Variants in PCDH7 observed in about 807,000 individuals in gnomAD.
PCDH7 encodes the protein protocadherin-7.
PCDH7 carries 17 observed loss-of-function variants against 58.9 expected under a neutral mutation model. The ratio of observed to expected loss-of-function variants is 0.29; its 90% CI spans 0.20 to 0.43. The LOEUF (loss-of-function observed/expected upper bound fraction) is 0.43. Ranked by LOEUF, PCDH7 falls within the 20% of genes least tolerant of loss-of-function variation. The pLI is 1.00. For synonymous variants in PCDH7, 664 were observed against 616.4 expected, an observed-to-expected ratio of 1.08 and a Z score of -1.14; for missense variants, 1,274 against 1,441.0, an observed-to-expected ratio of 0.88 and a Z score of 1.88.
At chr4:30,951,444 T>C (rs1365321889) in intron 3 of PCDH7, among the ~76,000 whole-genome samples, 2 of 152,122 alleles carry the variant, frequency 1.3e-5, no homozygotes, top group Non-Finnish European at 2.9e-5. Context: ...TCTACCCATA[T>C]TCCTTGCCTT....
chr4:31,120,977 C>T (rs1717623885), intron 3 of PCDH7, among the ~76,000 whole-genome samples: 1 of 152,158 alleles, frequency 6.6e-6, no homozygotes, highest in Non-Finnish European at 1.5e-5. Flanking sequence ...TGATAGCTTA[C>T]ACTTACATAG....
chr4:30,934,033 G>T (rs1473681999), intron 2 of PCDH7, among the ~76,000 whole-genome samples: 1 of 152,166 alleles, frequency 6.6e-6, no homozygotes. Flanking sequence ...CCTTTATTCA[G>T]TGTGATCAAT....
At chr4:30,976,418 T>TTTTG (rs10672958) in intron 3 of PCDH7, among the ~76,000 whole-genome samples, 1 of 148,994 alleles carries the variant, frequency 6.7e-6, no homozygotes, top group African/African-American at 2.5e-5. Flanking sequence ...TTTTTTTTTT[T>TTTTG]GAGACGGAGT....
intron 3 of PCDH7, among the ~76,000 whole-genome samples, chr4:31,051,838 G>GGT (rs1384304972): frequency 2.3e-5 from 3 of 130,892 alleles, no homozygotes; most frequent in African/African-American, 9.9e-5. Context: ...GTGTGTGGGG[G>GGT]GCGGGTAGGG....
At chr4:31,061,504 TA>T (rs1208841882) in intron 3 of PCDH7, among the ~76,000 whole-genome samples, 3 of 151,370 alleles carry the variant, frequency 2.0e-5, no homozygotes, top group Non-Finnish European at 4.4e-5. Context: ...AATATAAAAT[TA>T]TACTTATTTT....
intron 3 of PCDH7, among the ~76,000 whole-genome samples, chr4:31,035,433 T>C (rs780351170): frequency 6.6e-5 from 10 of 152,058 alleles, no homozygotes; most frequent in Non-Finnish European, 1.2e-4. Flanking sequence ...TTTGTATTTT[T>C]AGTAGAGACG....
chr4:30,834,262 T>C (rs1730183535), intron 1 of PCDH7, among the ~76,000 whole-genome samples: 1 of 152,184 alleles, frequency 6.6e-6, no homozygotes. Context: ...GCTGTTACCA[T>C]CTTGAAATTC....
intron 1 of PCDH7, among the ~76,000 whole-genome samples, chr4:30,841,386 A>G (rs1435988929): frequency 6.6e-6 from 1 of 152,162 alleles, no homozygotes; most frequent in Non-Finnish European, 1.5e-5. Flanking sequence ...ACATTAAAAA[A>G]TTAAATATCT....
chr4:30,877,220 G>C (rs545102074), intron 1 of PCDH7, among the ~76,000 whole-genome samples: 1 of 152,210 alleles, frequency 6.6e-6, no homozygotes, highest in East Asian at 1.9e-4. Flanking sequence ...GAAAACAAAA[G>C]CTAGACAGGC....
At chr4:31,072,729 A>C (rs1758655862) in intron 3 of PCDH7, among the ~76,000 whole-genome samples, 1 of 152,120 alleles carries the variant, frequency 6.6e-6, no homozygotes, top group African/African-American at 2.4e-5. Context: ...AAATATAAGA[A>C]TGGAATGATG....
intron 1 of PCDH7, among the ~76,000 whole-genome samples, chr4:30,831,711 G>T (rs1407550931): frequency 2.6e-5 from 4 of 152,162 alleles, no homozygotes; most frequent in Non-Finnish European, 5.9e-5. Flanking sequence ...TAGTTACCCA[G>T]CTAATGGTAG....
At chr4:30,923,107 A>T (rs754885658) in intron 2 of PCDH7, among the ~76,000 whole-genome samples, 3 of 152,144 alleles carry the variant, frequency 2.0e-5, no homozygotes, top group Non-Finnish European at 2.9e-5. Context: ...TGGATTTTCC[A>T]TTAAAATACC....
At chr4:30,980,442 G>A (rs955282617) in intron 3 of PCDH7, among the ~76,000 whole-genome samples, 12 of 151,980 alleles carry the variant, frequency 7.9e-5, no homozygotes, top group African/African-American at 2.9e-4. Flanking sequence ...GGAAAAACAT[G>A]GGATTTCCTT....
chr4:30,989,546 C>T (rs1212152479), intron 3 of PCDH7, among the ~76,000 whole-genome samples: 1 of 152,142 alleles, frequency 6.6e-6, no homozygotes, highest in Non-Finnish European at 1.5e-5. Context: ...AGGTGCCGCA[C>T]CATTCCAAGG....
downstream of PCDH7, chr4:31,145,406 T>C (rs1170980926): frequency 2.6e-5 from 4 of 152,202 alleles, no homozygotes; most frequent in East Asian, 5.8e-4. Flanking sequence ...ATGACTTTTA[T>C]TTTAAATAGG....
intron 3 of PCDH7, among the ~76,000 whole-genome samples, chr4:30,980,777 C>T (rs981054662): frequency 2.0e-5 from 3 of 152,106 alleles, no homozygotes; most frequent in East Asian, 1.9e-4. Flanking sequence ...TCGTTAATTT[C>T]TGTGGACTAA....
intron 1 of PCDH7, among the ~76,000 whole-genome samples, chr4:30,775,799 AG>A (rs1215930934): frequency 6.6e-6 from 1 of 152,088 alleles, no homozygotes; most frequent in Non-Finnish European, 1.5e-5. Context: ...CGGGAGGCTG[AG>A]GCAGGTGAAT....
chr4:30,731,056 A>G (rs1577569181), exon 2 of PCDH7: 2 of 1,172,992 alleles, frequency 1.7e-6, no homozygotes, highest in East Asian at 4.0e-5. Flanking sequence ...AGAGGCGGTT[A>G]GCACCTATTA....
rs1354828322 is a variant in PCDH7, at chr4:30,940,708, C to T, written c.288-9412C>T. 2.6e-5 allele frequency among the ~76,000 whole-genome samples: 4 copies of T among 152,032 alleles called. No homozygotes were observed. The East Asian group carries it at 7.8e-4, about 29-fold the overall frequency. On this transcript the variant is annotated intron_variant, in intron 2 of 3. Transcript: ENST00000509759. ...CATAGATGGTAGGGGAGAGAAGGAACAGGTCCTTTACGTATAATAGCAGGC... is the reference window on the plus strand; with the variant it reads ...CATAGATGGTAGGGGAGAGAAGGAATAGGTCCTTTACGTATAATAGCAGGC...
Sources: allele counts gnomAD v4.1 joint callset (sites outside exome capture counted in the v4.1 genomes callset), GRCh38; gene constraint gnomAD v4.1.1; transcripts MANE v1.5; gene names NCBI Gene and HGNC (gene_info 2026-07-23, HGNC 2026-07-21).